Variants in ADAR observed in about 807,000 individuals in gnomAD.
The protein encoded by ADAR is adenosine deaminase RNA specific.
Under a neutral mutation model 113.2 loss-of-function variants are expected in ADAR, and 41 were observed. The observed-to-expected ratio is 0.36, with a 90% CI of 0.28 to 0.47. The LOEUF (loss-of-function observed/expected upper bound fraction) is 0.47. ADAR is among the 20% of genes least tolerant of loss of function. The pLI is 1.00. For synonymous variants in ADAR, 605 were observed against 572.6 expected, an observed-to-expected ratio of 1.06 and a Z score of -0.81; for missense variants, 1,242 against 1,540.9, an observed-to-expected ratio of 0.81 and a Z score of 3.25.
rs1429875374 is a variant in ADAR at position 154,596,980 on chromosome 1, A to G, written c.2095T>C (p.Ser699Pro). ...ASDNQPEGMI[S>P]ESLDNLESMM... Reference sequence around the variant, plus strand: ...GATTCCAAGTTATCAAGTGACTCTGAGATCATACCTTCAGGCTAAAGGAGA... The same window carrying G: ...GATTCCAAGTTATCAAGTGACTCTGGGATCATACCTTCAGGCTAAAGGAGA... Residue 699 changes from serine to proline, a missense_variant, in exon 6 of 15, where the codon TCA (serine) becomes CCA (proline). Ser to Pro is a moderately conservative substitution (Grantham distance 74, BLOSUM62 -1). Coordinates refer to ENST00000368474, the MANE Select transcript of ADAR (RefSeq NM_001111.5). The G allele has an allele frequency of 6.2e-7, 1 of 1,614,190 alleles. No individual in the cohort carries two copies. The highest frequency in any genetic ancestry group is 1.1e-5 in the South Asian group (1 of 91,074).
In ADAR at chr1:154,590,220, G is replaced by C. The variant is rs776037751; in HGVS notation, c.2460C>G (p.Leu820=). 1.2e-6 allele frequency: 2 copies of C among 1,613,326 alleles called. No homozygotes were observed. Among genetic ancestry groups the C allele is most frequent in the Non-Finnish European group, 1.7e-6 (2 of 1,179,950 alleles). Residue 820 remains leucine (L), a synonymous_variant, in exon 7 of 15, where the codon CTC becomes CTG. Coordinates refer to ENST00000368474, the MANE Select transcript of ADAR (RefSeq NM_001111.5). ...VTGASLRRTM[L]LLSRSPEAQP... ...GTGCTTCTGGGGACCTTGAGAGGAG[G>C]AGCATAGTTCTTCTGAGACTGGCCC...
In ADAR at chr1:154,602,021, G is replaced by A. The variant is rs748800084; in HGVS notation, c.621C>T (p.His207=). The A allele has an allele frequency of 2.5e-6, 4 of 1,614,236 alleles. No homozygotes were observed. Among genetic ancestry groups the A allele is most frequent in the Admixed American group, 1.7e-5 (1 of 60,032 alleles). The change falls in exon 2 of 15, where the codon CAC becomes CAT. Residue 207 remains histidine, a synonymous_variant. Coordinates refer to ENST00000368474, the MANE Select transcript of ADAR (RefSeq NM_001111.5). ...GACCGTCTGGTCTTACCACTCCGCT[G>A]TGCTGGTTCCAAGCCTGAGTGGAGA... ...IAVSTQAWNQ[H]SGVVRPDGHS...
chr1:154,595,368 T>C (rs1697424625), intron 6 of ADAR, among the ~76,000 whole-genome samples: 1 of 152,206 alleles, frequency 6.6e-6, no homozygotes, highest in South Asian at 2.1e-4. Context: ...ATGCATGTTA[T>C]TGCCCCTGAA....
intron 1 of ADAR, 144 bp from the exon 2 acceptor site, chr1:154,602,770 G>T: frequency 9.8e-7 from 1 of 1,017,942 alleles, no homozygotes; most frequent in Non-Finnish European, 1.4e-6. Flanking sequence ...TGGCTAGGGT[G>T]ACTTGCCTAC....
rs567119914 is a variant in ADAR, at chr1:154,595,654, AAAAAATAAAGT to A, written c.2270+1140_2270+1150del. On this transcript the variant is annotated intron_variant, in intron 6 of 14. Coordinates refer to ENST00000368474, the MANE Select transcript of ADAR (RefSeq NM_001111.5). Reference sequence around the variant, plus strand: ...CAAAAAATAAAAAAGTTAATAAAGTAAAAAATAAAGTAAAAATAAAGTAAAAAAGTTACAGT... The same window carrying A: ...CAAAAAATAAAAAAGTTAATAAAGTAAAAAATAAAGTAAAAAAGTTACAGT... 1.6e-3 allele frequency among the ~76,000 whole-genome samples: 246 copies of A among 152,254 alleles called. 6 individuals are homozygous for A. Among genetic ancestry groups the A allele is most frequent in the Admixed American group, 0.015 (224 of 15,290 alleles).
intron 1 of ADAR, among the ~76,000 whole-genome samples, chr1:154,624,240 T>A (rs574146318): frequency 6.6e-6 from 1 of 152,258 alleles, no homozygotes; most frequent in South Asian, 2.1e-4. Flanking sequence ...TGCAAGTAGA[T>A]TAATATACAG....
Position 154,601,678 on chromosome 1 carries a change from T to C in ADAR, c.964A>G (p.Ile322Val). 7 of 1,614,224 alleles carry C rather than the reference T, an allele frequency of 4.3e-6. No individual in the cohort carries two copies. Among genetic ancestry groups the C allele is most frequent in the Non-Finnish European group, 5.9e-6 (7 of 1,180,038 alleles). Residue 322 changes from isoleucine to valine, a missense_variant, in exon 2 of 15, where the codon ATT becomes GTT. Transcript: ENST00000368474. This position sits in a 1 kb window ranked among gnomAD's most constrained non-coding sequence, Gnocchi z 4.7. The part of the protein sequence containing the change: ...DSSALNLAKN[I>V]GLTKARDINA... ...ATATCTCGGGCCTTGGTAAGGCCAATATTTTTAGCCAAATTCAGGGCAGAG... is the reference window on the plus strand; with the variant it reads ...ATATCTCGGGCCTTGGTAAGGCCAACATTTTTAGCCAAATTCAGGGCAGAG...
intron 6 of ADAR, among the ~76,000 whole-genome samples, chr1:154,591,700 G>A (rs1205499675): frequency 6.6e-6 from 1 of 152,226 alleles, no homozygotes; most frequent in Non-Finnish European, 1.5e-5. Flanking sequence ...TACTCTAACT[G>A]CATATAACAG....
intron 1 of ADAR, among the ~76,000 whole-genome samples, chr1:154,621,767 G>A (rs1698796764): frequency 6.6e-6 from 1 of 152,134 alleles, no homozygotes; most frequent in South Asian, 2.1e-4. Context: ...TGATGGCAGT[G>A]GAAACTGGTA....
At chr1:154,589,633 G>T in intron 8 of ADAR, 124 bp downstream of exon 8, 1 of 1,309,060 alleles carries the variant, frequency 7.6e-7, no homozygotes, top group East Asian at 2.4e-5. Context: ...ACTCTGAATT[G>T]ACTGTAGCTA....
chr1:154,608,692 C>T (rs1698361717), upstream of ADAR: 1 of 152,232 alleles, frequency 6.6e-6, no homozygotes, highest in Non-Finnish European at 1.5e-5. Context: ...TAATTCCCCG[C>T]ACAGGCCGTA....
chr1:154,624,600 C>A, intron 1 of ADAR, among the ~76,000 whole-genome samples: 1 of 152,190 alleles, frequency 6.6e-6, no homozygotes, highest in Non-Finnish European at 1.5e-5. Context: ...GTGTACTATT[C>A]CTACAATGAA....
intron 10 of ADAR, 99 bp downstream of exon 10, chr1:154,588,452 A>T: frequency 1.3e-6 from 2 of 1,559,318 alleles, no homozygotes; most frequent in Middle Eastern, 1.9e-4. Context: ...AGTGTGGCTT[A>T]TTGTATCAGG....
At position 154,589,373 on chromosome 1, in the gene ADAR, T is replaced by G. The variant is rs766337056; in HGVS notation, c.2758A>C (p.Ile920Leu). Residue 920 changes from isoleucine (I) to leucine (L), a missense_variant, in exon 9 of 15, where the codon ATC (isoleucine) becomes CTC (leucine). Coordinates refer to ENST00000368474, the MANE Select transcript of ADAR (RefSeq NM_001111.5). The part of the protein sequence containing the change: ...HAEIISRRGF[I>L]RFLYSELMKY... ...CACAGCTCTGACCTCGCTCACCTGA[T>G]GAAGCCTCTCCGGGAGATTATTTCT... 27 of 1,614,044 alleles carry G rather than the reference T, an allele frequency of 1.7e-5. No individual in the cohort carries two copies. The South Asian group carries it at 2.9e-4, about 17-fold the overall frequency.
Position 154,584,916 on chromosome 1 carries a change from C to G in ADAR, c.3571G>C (p.Asp1191His), listed in dbSNP as rs1381168024. 1 of 1,614,186 alleles carries G rather than the reference C, an allele frequency of 6.2e-7. No individual in the cohort carries two copies. Among genetic ancestry groups the G allele is most frequent in the Non-Finnish European group, 8.5e-7 (1 of 1,180,026 alleles). The change falls in exon 15 of 15, where the codon GAC becomes CAC. Residue 1191 changes from aspartate (D) to histidine (H), a missense_variant. Around this residue, in one of 2 missense-constraint regions of ADAR, gnomAD observed 780 missense variants for 1,057.9 expected, o/e 0.74. Transcript: ENST00000368474. ...SYGEAKKAAR[D>H]YETAKNYFKK... ...AAGTAGTTCTTGGCCGTCTCGTAGT[C>G]ACGGGCAGCTTTCTTGGCCTCACCA...
chr1:154,600,444 C>A, intron 2 of ADAR: 1 of 158,482 alleles, frequency 6.3e-6, no homozygotes, highest in Non-Finnish European at 1.4e-5. Flanking sequence ...CAGTCGTAAG[C>A]CACCGCCCCG....
Position 154,585,359 on chromosome 1 carries a change from A to C in ADAR, c.3316-15T>G, listed in dbSNP as rs897704364. On this transcript the variant is annotated splice_polypyrimidine_tract_variant and intron_variant, in intron 13 of 14. Coordinates refer to ENST00000368474, the MANE Select transcript of ADAR (RefSeq NM_001111.5). The stretch of plus-strand genomic sequence containing the variant: ...ACTCTGCCAACCTAGGAATCCCAGA[A>C]GCAACGGGAGAAAGATGGAAACCTT... The C allele has an allele frequency of 1.9e-6, 3 of 1,614,110 alleles. No homozygotes were observed. The highest frequency in any genetic ancestry group is 1.7e-5 in the Admixed American group (1 of 60,022).
chr1:154,590,135 A>AGGGGGGGGGGGGGGGGGGGGGGGGGG, intron 7 of ADAR, 49 bp downstream of exon 7: 4 of 1,205,040 alleles, frequency 3.3e-6, no homozygotes, highest in Non-Finnish European at 2.4e-6. Flanking sequence ...CTTAGGAGTT[A>AGGGGGGGGGGGGGGGGGGGGGGGGGG]GGAGGACCCC....
intron 5 of ADAR, 62 bp downstream of exon 5, chr1:154,597,061 C>T: frequency 6.2e-7 from 1 of 1,614,030 alleles, no homozygotes. Context: ...GAGTCACTGG[C>T]AATCTTAAAC....
Sources: gnomAD v4.1 joint callset for allele counts (sites outside exome capture counted in the v4.1 genomes callset) on GRCh38, gnomAD v4.1.1 for gene constraint, gnomAD v4.1.1 regional missense constraint, Gnocchi (gnomAD v3.1) non-coding constraint, MANE v1.5 for transcripts, NCBI Gene and HGNC (gene_info 2026-07-23, HGNC 2026-07-21) for gene names.